The following GALR1 variants were observed in gnomAD, a reference collection of about 807,000 sequenced individuals.
GALR1 encodes the protein galanin receptor type 1.
In GALR1, 11 loss-of-function variants were observed where a neutral mutation model predicts 17.9. That is an observed-to-expected ratio of 0.62 (90% CI 0.39 to 1.02). The LOEUF (loss-of-function observed/expected upper bound fraction) is 1.02. Ranked by LOEUF, GALR1 falls within the 50% of genes least tolerant of loss-of-function variation. The probability of loss-of-function intolerance (pLI) is 0.01; values close to 1 mark genes in which losing one functional copy is unlikely to be tolerated. For synonymous variants in GALR1, 206 were observed against 205.7 expected, an observed-to-expected ratio of 1.00 and a Z score of -0.01; for missense variants, 441 against 456.9, an observed-to-expected ratio of 0.97 and a Z score of 0.32.
intron 1 of GALR1, among the ~76,000 whole-genome samples, chr18:77,254,335 G>A (rs116500460): frequency 0.018 from 2,674 of 152,316 alleles, 79 homozygotes; most frequent in African/African-American, 0.061. Context: ...TTGAAGAGAA[G>A]CAGAGCTAAT....
intron 2 of GALR1, among the ~76,000 whole-genome samples, chr18:77,264,587 A>G (rs1333892503): frequency 6.6e-6 from 1 of 152,128 alleles, no homozygotes; most frequent in Admixed American, 6.5e-5. Context: ...GTCTGGGAAG[A>G]GAGTGGGTAT....
rs570928671 is a variant in GALR1 at position 77,250,442 on chromosome 18, T to G, written c.-107T>G. The G allele has an allele frequency of 9.0e-4, 1,088 of 1,205,662 alleles. 16 individuals are homozygous for G. In the South Asian group the frequency reaches 0.018, roughly 20 times the overall value. 74.7% of individuals were successfully genotyped at this position (1,205,662 alleles called of 1,614,324 possible). A position where few individuals can be genotyped will look rare whatever the true frequency, so the allele number is the denominator to read the frequency against. The stretch of plus-strand genomic sequence containing the variant: ...TCGGGGGAAGCTCAGACTCCTAAAC[T>G]CGCACTCTCCGTGCTTTGCGCCGGG... On this transcript the variant is annotated 5_prime_UTR_variant, in exon 1 of 3. Transcript: ENST00000299727.
intron 1 of GALR1, chr18:77,253,599 G>C (rs1348949565): frequency 1.3e-5 from 2 of 152,152 alleles, no homozygotes; most frequent in Non-Finnish European, 2.9e-5. Flanking sequence ...GGCTGTCATG[G>C]ATAGGTGGAG....
intron 2 of GALR1, among the ~76,000 whole-genome samples, chr18:77,261,000 G>T (rs1043839944): frequency 6.9e-6 from 1 of 145,602 alleles, no homozygotes; most frequent in Non-Finnish European, 1.5e-5. Context: ...AATTTGTGAG[G>T]TTTTTTTTTT....
intron 2 of GALR1, among the ~76,000 whole-genome samples, chr18:77,261,985 G>A (rs1023145185): frequency 5.3e-5 from 8 of 151,952 alleles, no homozygotes; most frequent in Non-Finnish European, 1.0e-4. Flanking sequence ...TGCTGCACCC[G>A]GCTAAGTTAT....
intron 1 of GALR1, among the ~76,000 whole-genome samples, chr18:77,252,506 A>G (rs1450120034): frequency 6.6e-6 from 1 of 152,224 alleles, no homozygotes; most frequent in South Asian, 2.1e-4. Flanking sequence ...CACCTATTTC[A>G]TCTAGGTAGA....
chr18:77,258,669 GTCATGGTGGTGA>G (rs1912672828), intron 2 of GALR1, among the ~76,000 whole-genome samples: 1 of 140,034 alleles, frequency 7.1e-6, no homozygotes, highest in Admixed American at 6.9e-5. Flanking sequence ...GGTGGTGGTG[GTCATGGTGGTGA>G]TGGTGATGGT....
chr18:77,266,543 G>T (rs753223346), intron 2 of GALR1, among the ~76,000 whole-genome samples: 4 of 152,074 alleles, frequency 2.6e-5, no homozygotes, highest in Non-Finnish European at 5.9e-5. Flanking sequence ...CCAATTTACC[G>T]TATTAGTCCA....
In GALR1 at chr18:77,269,133, C is replaced by A; in HGVS notation, c.*231C>A. On this transcript the variant is annotated 3_prime_UTR_variant, in exon 3 of 3. Transcript: ENST00000299727. ...TTAGTTCTAAATTATGTTTCAGAAA[C>A]AAAAGACAATGCTGTACAGTTTTAT... is the stretch of plus-strand genomic sequence containing the variant. 1 of 519,044 alleles carries A rather than the reference C, an allele frequency of 1.9e-6. No homozygotes were observed. The highest frequency in any genetic ancestry group is 3.4e-6 in the Non-Finnish European group (1 of 294,520). 32.2% of individuals were successfully genotyped at this position (519,044 alleles called of 1,614,324 possible). A position where few individuals can be genotyped will look rare whatever the true frequency, so the allele number is the denominator to read the frequency against.
At chr18:77,268,114 T>G (rs753397117) in intron 2 of GALR1, among the ~76,000 whole-genome samples, 1 of 152,172 alleles carries the variant, frequency 6.6e-6, no homozygotes, top group Non-Finnish European at 1.5e-5. Context: ...TTGCCAAAGT[T>G]TAACGAGGAG....
intron 2 of GALR1, among the ~76,000 whole-genome samples, chr18:77,258,684 GTGA>G (rs2144956814): frequency 1.4e-5 from 2 of 141,050 alleles, no homozygotes; most frequent in East Asian, 2.1e-4. Context: ...GGTGGTGATG[GTGA>G]TGGTGGTGGT....
chr18:77,250,912 A>G lies in GALR1; in HGVS notation c.364A>G (p.Ser122Gly). ...CTTCTTCACCGTGTCCATGCTGGTG[A>G]GCATCTTCACCCTGGCCGCGATGTC... ...HYFFTVSMLV[S>G]IFTLAAMSVD... Residue 122 changes from serine to glycine, a missense_variant, in exon 1 of 3, where the codon AGC becomes GGC. Transcript: ENST00000299727. 1 of 1,606,182 alleles carries G rather than the reference A, an allele frequency of 6.2e-7. No individual in the cohort carries two copies. Among genetic ancestry groups the G allele is most frequent in the Non-Finnish European group, 8.5e-7 (1 of 1,179,956 alleles).
intron 2 of GALR1, among the ~76,000 whole-genome samples, chr18:77,256,982 G>A (rs943122488): frequency 6.6e-6 from 1 of 152,164 alleles, no homozygotes; most frequent in East Asian, 1.9e-4. Context: ...TAGGCAATAT[G>A]ACTAAGGAGT....
rs1319906504 is a variant in GALR1, at chr18:77,251,328, G to A, written c.666+114G>A. 9 of 1,441,578 alleles carry A rather than the reference G, an allele frequency of 6.2e-6. No individual in the cohort carries two copies. The African/African-American group carries it at 8.5e-5, about 14-fold the overall frequency. 89.3% of individuals were successfully genotyped at this position (1,441,578 alleles called of 1,614,324 possible). ...GAGCCTTGGCGGCAGCCTGGCCCCGGTGGTCCCCACTCTGGCGGCGCTGGT... is the reference window on the plus strand; with the variant it reads ...GAGCCTTGGCGGCAGCCTGGCCCCGATGGTCCCCACTCTGGCGGCGCTGGT... On this transcript the variant is annotated intron_variant, in intron 1 of 2. Coordinates refer to ENST00000299727, the MANE Select transcript of GALR1 (RefSeq NM_001480.4).
intron 2 of GALR1, among the ~76,000 whole-genome samples, chr18:77,267,152 C>T (rs992810639): frequency 1.3e-5 from 2 of 152,230 alleles, no homozygotes; most frequent in African/African-American, 2.4e-5. Context: ...GCTGGGGAAG[C>T]ACTCTGTCCC....
intron 1 of GALR1, among the ~76,000 whole-genome samples, chr18:77,253,093 T>C (rs374582316): frequency 1.4e-5 from 2 of 145,748 alleles, no homozygotes; most frequent in East Asian, 4.1e-4. Context: ...AAAAGAACTC[T>C]AGCTTAGCTA....
Position 77,252,998 on chromosome 18 carries a change from C to CCACCATCACCACCATCACCACCAT in GALR1, c.666+1789_666+1790insTCACCACCATCACCACCATCACCA, listed in dbSNP as rs1568139252. On this transcript the variant is annotated intron_variant, in intron 1 of 2. Coordinates refer to ENST00000299727, the MANE Select transcript of GALR1 (RefSeq NM_001480.4). ...ACCACCATCACCACCATCACCACCA[C>CCACCATCACCACCATCACCACCAT]CACCACCACCACCACCACCACCACC... Among the ~76,000 whole-genome samples the CCACCATCACCACCATCACCACCAT allele has an allele frequency of 8.9e-5, 5 of 56,026 alleles. 1 individual carries two copies. The highest frequency in any genetic ancestry group is 6.8e-4 in the South Asian group (1 of 1,474). The allele number at this position is 56,026 out of a possible 152,430, so 36.8% of individuals were successfully genotyped here.
intron 2 of GALR1, among the ~76,000 whole-genome samples, chr18:77,258,706 G>GGTC (rs1184453858): frequency 7.9e-6 from 1 of 126,342 alleles, no homozygotes; most frequent in African/African-American, 3.1e-5. Flanking sequence ...GTGGTCATGT[G>GGTC]ATGGTGGTGC....
intron 1 of GALR1, chr18:77,254,087 TAA>T (rs1344965068): frequency 6.6e-6 from 1 of 152,198 alleles, no homozygotes; most frequent in African/African-American, 2.4e-5. Flanking sequence ...CCCACTCGAC[TAA>T]GTTACTCCGA....
Sources: allele counts gnomAD v4.1 joint callset (sites outside exome capture counted in the v4.1 genomes callset), GRCh38; gene constraint gnomAD v4.1.1; transcripts MANE v1.5; gene names NCBI Gene and HGNC (gene_info 2026-07-23, HGNC 2026-07-21).